PCCA: variants seen among roughly 807,000 people sequenced by gnomAD.
PCCA encodes the protein propionyl-CoA carboxylase alpha chain, mitochondrial.
PCCA carries 74 observed loss-of-function variants against 101.3 expected under a neutral mutation model. The observed-to-expected ratio is 0.73, with a 90% CI of 0.61 to 0.89. PCCA has a LOEUF of 0.89. Among genes scored for constraint, PCCA ranks in the 40% least tolerant of loss-of-function variants. PCCA has a pLI of 0.00. For missense variants in PCCA, 891 were observed against 907.0 expected (o/e 0.98, Z 0.23); for synonymous variants, 294 against 313.6 (o/e 0.94, Z 0.66).
At chr13:100,282,021 T>C (rs4772278) in intron 12 of PCCA, among the ~76,000 whole-genome samples, 70,850 of 152,106 alleles carry the variant, frequency 0.47, 16,609 homozygotes, top group Middle Eastern at 0.54. Flanking sequence ...GATCTTTGTG[T>C]GATAGTGAAA....
intron 9 of PCCA, among the ~76,000 whole-genome samples, chr13:100,260,976 A>T (rs2062461522): frequency 6.6e-6 from 1 of 152,064 alleles, no homozygotes; most frequent in Non-Finnish European, 1.5e-5. Flanking sequence ...ACACAAAACA[A>T]GCAAATCAGA....
At chr13:100,444,937 T>C (rs1459426623) in intron 20 of PCCA, among the ~76,000 whole-genome samples, 1 of 152,214 alleles carries the variant, frequency 6.6e-6, no homozygotes, top group African/African-American at 2.4e-5. Context: ...GTAGTGTCTT[T>C]TGTGTTGCTA....
chr13:100,114,419 A>G lies in PCCA; in HGVS notation c.300+2358A>G, dbSNP rs991222288. On this transcript the variant is annotated intron_variant, in intron 4 of 23. Coordinates refer to ENST00000376285, the MANE Select transcript of PCCA (RefSeq NM_000282.4). ...TGGATGTTTAACCAGCCTGGCTAAG[A>G]TGGTGAAACCCTGTCTCTACTAAAA... 5.3e-5 allele frequency among the ~76,000 whole-genome samples: 8 copies of G among 152,292 alleles called. No homozygotes were observed. The South Asian group carries it at 8.3e-4, about 16-fold the overall frequency.
rs143779885 is a variant in PCCA at position 100,263,925 on chromosome 13, G to A, written c.819+1094G>A. 3.3e-4 allele frequency among the ~76,000 whole-genome samples: 48 copies of A among 144,112 alleles called. 1 individual carries two copies. The highest frequency in any genetic ancestry group is 1.7e-3 in the Admixed American group (25 of 14,442). The allele number at this position is 144,112 out of a possible 152,430, so 94.5% of individuals were successfully genotyped here. On this transcript the variant is annotated intron_variant, in intron 10 of 23. Coordinates refer to ENST00000376285, the MANE Select transcript of PCCA (RefSeq NM_000282.4). The stretch of plus-strand genomic sequence containing the variant: ...TACAGTATCTGTATGTCATAGATAC[G>A]GTATCTGTATGTCATATATACGGTA...
chr13:100,232,351 CGTGTGTGTGT>C (rs375554722), intron 7 of PCCA, among the ~76,000 whole-genome samples: 18 of 131,180 alleles, frequency 1.4e-4, no homozygotes, highest in South Asian at 2.6e-4. Context: ...TGTGTGTATG[CGTGTGTGTGT>C]GTGTGTGTGT....
chr13:100,457,538 A>G (rs1415555095), intron 21 of PCCA, among the ~76,000 whole-genome samples: 1 of 152,182 alleles, frequency 6.6e-6, no homozygotes, highest in Non-Finnish European at 1.5e-5. Context: ...CCTCTAGGGC[A>G]ATGCAAAGAG....
At chr13:100,175,406 G>A (rs9518015) in intron 6 of PCCA, among the ~76,000 whole-genome samples, 1 of 152,082 alleles carries the variant, frequency 6.6e-6, no homozygotes, top group African/African-American at 2.4e-5. Flanking sequence ...TTGATGAAAT[G>A]TAAGCAATTT....
intron 12 of PCCA, among the ~76,000 whole-genome samples, chr13:100,295,195 A>G (rs1196966945): frequency 2.0e-5 from 3 of 152,222 alleles, no homozygotes; most frequent in Non-Finnish European, 4.4e-5. Flanking sequence ...GTGAACAGAA[A>G]GAGCAGAATC....
chr13:100,160,305 C>A (rs1256479966), intron 6 of PCCA, among the ~76,000 whole-genome samples: 2 of 151,982 alleles, frequency 1.3e-5, no homozygotes, highest in Admixed American at 6.6e-5. Context: ...GAATTCGAGA[C>A]CAGCTTGGAC....
intron 6 of PCCA, among the ~76,000 whole-genome samples, chr13:100,190,794 AC>A (rs1187990857): frequency 6.6e-6 from 1 of 152,022 alleles, no homozygotes; most frequent in Non-Finnish European, 1.5e-5. Flanking sequence ...AGACCCCATC[AC>A]TACAAAAAGT....
chr13:100,366,169 A>T (rs2075141050), intron 18 of PCCA, among the ~76,000 whole-genome samples: 1 of 152,210 alleles, frequency 6.6e-6, no homozygotes, highest in African/African-American at 2.4e-5. Flanking sequence ...GGTCATCTAG[A>T]TGTGAGGCTG....
intron 12 of PCCA, among the ~76,000 whole-genome samples, chr13:100,278,756 G>C (rs1364051964): frequency 6.6e-6 from 1 of 152,158 alleles, no homozygotes; most frequent in African/African-American, 2.4e-5. Context: ...GGTATTACAG[G>C]CGTGAGCCTC....
In PCCA at chr13:100,398,280, A is replaced by G. The variant is rs113249973; in HGVS notation, c.1747-27353A>G. ...ATCTAAATCAAGTCTTTTAGGTTCA[A>G]CCTATTCCACTGGGTTTTAAATGAT... On this transcript the variant is annotated intron_variant, in intron 19 of 23. Transcript: ENST00000376285. 4.6e-3 allele frequency among the ~76,000 whole-genome samples: 694 copies of G among 152,268 alleles called. 8 individuals carry two copies. The highest frequency in any genetic ancestry group is 0.016 in the African/African-American group (651 of 41,542).
At chr13:100,108,325 A>G (rs773733395) in intron 2 of PCCA, among the ~76,000 whole-genome samples, 8 of 152,210 alleles carry the variant, frequency 5.3e-5, no homozygotes, top group African/African-American at 1.2e-4. Context: ...ATTCTCATCT[A>G]TCTTCAAGGA....
intron 21 of PCCA, among the ~76,000 whole-genome samples, chr13:100,514,543 C>T (rs2086695623): frequency 6.6e-6 from 1 of 152,200 alleles, no homozygotes; most frequent in Non-Finnish European, 1.5e-5. Context: ...CCAAGAGACA[C>T]TTCCTCAAAC....
At chr13:100,329,183 TG>T (rs1193321074) in intron 16 of PCCA, among the ~76,000 whole-genome samples, 30 of 152,314 alleles carry the variant, frequency 2.0e-4, no homozygotes, top group Non-Finnish European at 2.4e-4. Context: ...TTTCTCGCTT[TG>T]TTTTTTTGCT....
intron 6 of PCCA, among the ~76,000 whole-genome samples, chr13:100,187,255 T>TGATTAAAA (rs1241487922): frequency 1.3e-5 from 2 of 152,192 alleles, no homozygotes; most frequent in Admixed American, 1.3e-4. Flanking sequence ...TTATCCTCCA[T>TGATTAAAA]GATTAAAAAA....
intron 6 of PCCA, among the ~76,000 whole-genome samples, chr13:100,159,478 C>T (rs111701366): frequency 5.9e-4 from 90 of 152,224 alleles, no homozygotes; most frequent in African/African-American, 2.1e-3. Flanking sequence ...CAGAATGCTG[C>T]AGTCCATGGG....
Position 100,301,554 on chromosome 13 carries a change from C to T in PCCA, c.1160C>T (p.Ala387Val). 1.2e-6 allele frequency: 2 copies of T among 1,614,056 alleles called. No individual in the cohort carries two copies. The highest frequency in any genetic ancestry group is 1.7e-6 in the Non-Finnish European group (2 of 1,179,960). Residue 387 changes from alanine to valine, a missense_variant, in exon 13 of 24, where the codon GCT becomes GTT. Transcript: ENST00000376285. ...AKGYPLRHKQ[A>V]DIRINGWAVE... ...GGCTACCCTCTCAGGCACAAACAAG[C>T]TGATATTCGCATCAACGGCTGGGCA...
Sources: allele counts gnomAD v4.1 joint callset (sites outside exome capture counted in the v4.1 genomes callset), GRCh38; gene constraint gnomAD v4.1.1; transcripts MANE v1.5; gene names NCBI Gene and HGNC (gene_info 2026-07-23, HGNC 2026-07-21).